Variants in KCNK9 observed in about 807,000 individuals in gnomAD.
KCNK9 encodes the protein potassium two pore domain channel subfamily K member 9.
In KCNK9, 1 loss-of-function variant was observed where a neutral mutation model predicts 10.8. The ratio of observed to expected loss-of-function variants is 0.09; its 90% CI spans 0.03 to 0.44. The LOEUF (loss-of-function observed/expected upper bound fraction) is 0.44. Among genes scored for constraint, KCNK9 ranks in the 20% least tolerant of loss-of-function variants. The pLI, the probability that KCNK9 is intolerant of heterozygous loss-of-function variation, is 0.97. For missense variants in KCNK9, 303 were observed against 515.0 expected (o/e 0.59, Z 3.98); for synonymous variants, 231 against 222.7 (o/e 1.04, Z -0.33).
At chr8:139,641,158 G>A (rs983268790) in intron 1 of KCNK9, among the ~76,000 whole-genome samples, 15 of 152,296 alleles carry the variant, frequency 9.8e-5, no homozygotes, top group Admixed American at 2.6e-4. Flanking sequence ...GGGTCCAGAC[G>A]CCCAGGGACC....
intron 1 of KCNK9, among the ~76,000 whole-genome samples, chr8:139,632,555 G>A (rs910081715): frequency 6.6e-6 from 1 of 152,202 alleles, no homozygotes; most frequent in African/African-American, 2.4e-5. Context: ...ACATGGCCAT[G>A]TGACTCAGTG....
chr8:139,681,360 C>G lies in KCNK9; in HGVS notation c.283+21350G>C, dbSNP rs570244553. On this transcript the variant is annotated intron_variant, in intron 1 of 1. Coordinates refer to ENST00000520439, the MANE Select transcript of KCNK9 (RefSeq NM_001282534.2). ...ACAGCAGAGTGGCCGTGAAAGACACCGGCAGACGGAGTAACCTGGGTCAAG... is the reference window on the plus strand; with the variant it reads ...ACAGCAGAGTGGCCGTGAAAGACACGGGCAGACGGAGTAACCTGGGTCAAG... Among the ~76,000 whole-genome samples, 265 of 152,312 alleles carry G rather than the reference C, an allele frequency of 1.7e-3. 3 individuals are homozygous for G. Among genetic ancestry groups the G allele is most frequent in the Non-Finnish European group, 1.2e-3 (83 of 68,020 alleles).
chr8:139,675,302 C>A (rs1278147414), intron 1 of KCNK9, among the ~76,000 whole-genome samples: 1 of 152,242 alleles, frequency 6.6e-6, no homozygotes, highest in Non-Finnish European at 1.5e-5. Flanking sequence ...GCCTGGGCAT[C>A]TTGTCCTTCC....
chr8:139,670,607 A>G (rs919199946), intron 1 of KCNK9, among the ~76,000 whole-genome samples: 4 of 152,262 alleles, frequency 2.6e-5, no homozygotes, highest in South Asian at 2.1e-4. Flanking sequence ...ACATCCATCA[A>G]TTTGGGTTTC....
At chr8:139,622,449 A>G (rs1814819903) in intron 1 of KCNK9, among the ~76,000 whole-genome samples, 2 of 152,098 alleles carry the variant, frequency 1.3e-5, no homozygotes, top group Admixed American at 1.3e-4. Flanking sequence ...GGTCCATCCA[A>G]TGGACAGCCC....
chr8:139,684,450 A>T (rs1429577584), intron 1 of KCNK9, among the ~76,000 whole-genome samples: 1 of 152,240 alleles, frequency 6.6e-6, no homozygotes. Context: ...CTTTTGTTAT[A>T]AGGCATGTCA....
At chr8:139,676,316 G>A (rs1181543272) in intron 1 of KCNK9, among the ~76,000 whole-genome samples, 4 of 152,222 alleles carry the variant, frequency 2.6e-5, no homozygotes, top group Admixed American at 6.5e-5. Flanking sequence ...TCTAGCCCTT[G>A]GTCTTCTGGG....
intron 1 of KCNK9, among the ~76,000 whole-genome samples, chr8:139,699,737 A>C (rs550947707): frequency 1.3e-5 from 2 of 152,282 alleles, no homozygotes; most frequent in African/African-American, 4.8e-5. Context: ...TATCCCTCCA[A>C]AGCCTTTTAG....
At chr8:139,690,348 TA>T (rs775701178) in intron 1 of KCNK9, among the ~76,000 whole-genome samples, 2 of 152,078 alleles carry the variant, frequency 1.3e-5, no homozygotes, top group East Asian at 3.8e-4. Context: ...ATAGTGACTG[TA>T]AAAAAACAGA....
At chr8:139,677,480 C>A (rs1344430614) in intron 1 of KCNK9, among the ~76,000 whole-genome samples, 3 of 152,132 alleles carry the variant, frequency 2.0e-5, no homozygotes, top group Non-Finnish European at 4.4e-5. Context: ...AAACCCCAAG[C>A]AGCAGCTCAG....
intron 1 of KCNK9, among the ~76,000 whole-genome samples, chr8:139,657,827 A>G (rs553270171): frequency 6.6e-6 from 1 of 152,228 alleles, no homozygotes; most frequent in South Asian, 2.1e-4. Context: ...GCGGGTGGGG[A>G]GGCCTCTCCA....
intron 1 of KCNK9, among the ~76,000 whole-genome samples, chr8:139,696,694 AATGGATGG>A (rs200315267): frequency 7.7e-6 from 1 of 130,672 alleles, no homozygotes; most frequent in Admixed American, 8.1e-5. Context: ...TGGGTGGATA[AATGGATGG>A]ATGGATGGAT....
chr8:139,618,086 TG>T lies in KCNK9; in HGVS notation c.*171del. On this transcript the variant is annotated 3_prime_UTR_variant, in exon 2 of 2. Transcript: ENST00000520439. The surrounding 1 kb of genome is among the most constrained non-coding windows in gnomAD (Gnocchi z 7.9). Reference sequence around the variant, plus strand: ...GTATTTCCCTTTGGCCTGCTCTGTCTGGCTGGAAAGGTGGGGGAAAATGAGA... The same window carrying T: ...GTATTTCCCTTTGGCCTGCTCTGTCTGCTGGAAAGGTGGGGGAAAATGAGA... 2 of 882,562 alleles carry T rather than the reference TG, an allele frequency of 2.3e-6. No individual in the cohort carries two copies. Among genetic ancestry groups the T allele is most frequent in the Non-Finnish European group, 3.4e-6 (2 of 582,850 alleles). 54.7% of individuals were successfully genotyped at this position (882,562 alleles called of 1,614,324 possible). A position where few individuals can be genotyped will look rare whatever the true frequency, so the allele number is the denominator to read the frequency against.
At chr8:139,604,317 G>C (rs1473530337) in intron 2 of KCNK9, among the ~76,000 whole-genome samples, 1 of 152,242 alleles carries the variant, frequency 6.6e-6, no homozygotes, top group East Asian at 1.9e-4. Flanking sequence ...GACGTGTCAA[G>C]TGTTTAGTAG....
intron 1 of KCNK9, among the ~76,000 whole-genome samples, chr8:139,647,343 G>A (rs1815720654): frequency 6.6e-6 from 1 of 152,234 alleles, no homozygotes. Context: ...AACAGCCCAT[G>A]AGGACCTGCT....
chr8:139,650,694 C>A (rs1815836398), intron 1 of KCNK9, among the ~76,000 whole-genome samples: 1 of 152,188 alleles, frequency 6.6e-6, no homozygotes, highest in African/African-American at 2.4e-5. Context: ...TTTACAACTG[C>A]ACCAGAGTAA....
At chr8:139,666,414 C>T (rs1171115411) in intron 1 of KCNK9, among the ~76,000 whole-genome samples, 1 of 152,210 alleles carries the variant, frequency 6.6e-6, no homozygotes, top group Non-Finnish European at 1.5e-5. Flanking sequence ...CTAGCAGGAG[C>T]CTCTCGGGTT....
chr8:139,656,827 T>G (rs374596714), intron 1 of KCNK9, among the ~76,000 whole-genome samples: 3 of 152,224 alleles, frequency 2.0e-5, no homozygotes, highest in Admixed American at 6.5e-5. Context: ...GAGCCACTCT[T>G]GGCCCCATAG....
At chr8:139,668,791 C>T (rs1191129691) in intron 1 of KCNK9, among the ~76,000 whole-genome samples, 2 of 152,216 alleles carry the variant, frequency 1.3e-5, no homozygotes, top group Non-Finnish European at 2.9e-5. Context: ...GCAATCTTCA[C>T]TTTCTCGTGG....
Sources: gnomAD v4.1 joint callset for allele counts (sites outside exome capture counted in the v4.1 genomes callset) on GRCh38, gnomAD v4.1.1 for gene constraint, Gnocchi (gnomAD v3.1) non-coding constraint, MANE v1.5 for transcripts, NCBI Gene and HGNC (gene_info 2026-07-23, HGNC 2026-07-21) for gene names.